ZFTA: variants seen among roughly 807,000 people sequenced by gnomAD.
ZFTA encodes zinc finger translocation-associated protein.
ZFTA carries 35 observed loss-of-function variants against 41.8 expected under a neutral mutation model. The ratio of observed to expected loss-of-function variants is 0.84; its 90% CI spans 0.64 to 1.11. The LOEUF (loss-of-function observed/expected upper bound fraction) is 1.11, where lower values mean the gene tolerates loss of function less well. ZFTA is among the 50% of genes most tolerant of loss of function. The pLI is 0.00. For synonymous variants in ZFTA, 514 were observed against 436.4 expected, an observed-to-expected ratio of 1.18 and a Z score of -2.22; for missense variants, 964 against 989.8, an observed-to-expected ratio of 0.97 and a Z score of 0.35.
In ZFTA at chr11:63,765,663, TATA is replaced by T; in HGVS notation, c.637+141_637+143del. 8.8e-7 allele frequency: 1 copy of T among 1,134,594 alleles called. No homozygotes were observed. The highest frequency in any genetic ancestry group is 1.2e-6 in the Non-Finnish European group (1 of 844,978). 70.3% of individuals were successfully genotyped at this position (1,134,594 alleles called of 1,614,324 possible). ...CCCCACTGTCCTTCCCCCACCTTTG[TATA>T]ATAAGGGCAATAAACAGACCCCACC... On this transcript the variant is annotated intron_variant, in intron 2 of 4. Coordinates refer to ENST00000433688, the MANE Select transcript of ZFTA (RefSeq NM_001144936.2). This position sits in a 1 kb window ranked among gnomAD's most constrained non-coding sequence, Gnocchi z 4.0.
chr11:63,765,533 C>A lies in ZFTA; in HGVS notation c.637+274G>T, dbSNP rs570196846. Among the ~76,000 whole-genome samples the A allele has an allele frequency of 2.0e-5, 3 of 152,222 alleles. No individual in the cohort carries two copies. In the East Asian group the frequency reaches 5.8e-4, roughly 29 times the overall value. ...CCTTCCCTCACCCACCCCAGCCAGGCCTCCCTGCTCCAAGCCTTTCCACTG... is the reference window on the plus strand; with the variant it reads ...CCTTCCCTCACCCACCCCAGCCAGGACTCCCTGCTCCAAGCCTTTCCACTG... On this transcript the variant is annotated intron_variant, in intron 2 of 4. Coordinates refer to ENST00000433688, the MANE Select transcript of ZFTA (RefSeq NM_001144936.2). The surrounding 1 kb of genome is among the most constrained non-coding windows in gnomAD (Gnocchi z 4.0).
At chr11:63,768,381 C>T (rs2135099882) in intron 1 of ZFTA, 103 bp downstream of exon 1, 1 of 748,548 alleles carries the variant, frequency 1.3e-6, no homozygotes, top group Non-Finnish European at 1.7e-6. Flanking sequence ...GCCGCCCTGC[C>T]CGCGTCCCCC....
In ZFTA at chr11:63,760,059, C is replaced by T. The variant is rs1365097413; in HGVS notation, c.*3359G>A. 2 of 152,136 alleles carry T rather than the reference C, an allele frequency of 1.3e-5. No homozygotes were observed. The highest frequency in any genetic ancestry group is 4.8e-5 in the African/African-American group (2 of 41,428). 9.4% of individuals were successfully genotyped at this position (152,136 alleles called of 1,614,324 possible). On this transcript the variant is annotated 3_prime_UTR_variant, in exon 5 of 5. Transcript: ENST00000433688. ...CCCAAGACTGCAGAATTTAGTTGTA[C>T]AGCATAACTGTGCATTTGATCTCTG... is the stretch of plus-strand genomic sequence containing the variant.
Position 63,767,126 on chromosome 11 carries a change from G to A in ZFTA, c.140-822C>T, listed in dbSNP as rs539160500. On this transcript the variant is annotated intron_variant, in intron 1 of 4. Transcript: ENST00000433688. ...GCCACTGCCCAGCAGTCAGAAGGGC[G>A]GGCACTGGAGAGGCCCCACTAACCC... 4.5e-4 allele frequency among the ~76,000 whole-genome samples: 69 copies of A among 152,260 alleles called. No individual in the cohort carries two copies. The South Asian group carries it at 0.014, about 31-fold the overall frequency.
Position 63,768,511 on chromosome 11 carries a change from TG to T in ZFTA, c.111del (p.Ser38AlafsTer77). 8.3e-7 allele frequency: 1 copy of T among 1,204,134 alleles called. No individual in the cohort carries two copies. Among genetic ancestry groups the T allele is most frequent in the Non-Finnish European group, 1.0e-6 (1 of 956,750 alleles). The allele number at this position is 1,204,134 out of a possible 1,614,324, so 74.6% of individuals were successfully genotyped here. On this transcript the variant is annotated frameshift_variant, in exon 1 of 5. Transcript: ENST00000433688. LOFTEE classifies it high-confidence loss of function. Reference protein sequence around the residue: ...GRRLPPAGSSGSAEPEEDEGG... With the variant: ...GRRLPPAGSSXSAEPEEDEGG... ...CCTTCGTCTTCCTCTGGCTCCGCGC[TG>T]CCGCTCGATCCGGCGGGCGGCAGCC...
chr11:63,763,465 G>A lies in ZFTA; in HGVS notation c.1990C>T (p.Arg664Cys). The change falls in exon 5 of 5, where the codon CGT (arginine) becomes TGT (cysteine). Residue 664 changes from arginine (R) to cysteine (C), a missense_variant. Physicochemically the swap from Arg to Cys is radical, Grantham distance 180. This residue lies in a region of ZFTA where 65 missense variants were observed against 58.9 expected (regional missense o/e 1.10). Coordinates refer to ENST00000433688, the MANE Select transcript of ZFTA (RefSeq NM_001144936.2). ...EGFGPPAPAP[R>C]DGGADLKSGA... ...GACTTGAGGTCCGCGCCGCCGTCACGCGGCGCCGGGGCGGGCGGCCCGAAG... is the reference window on the plus strand; with the variant it reads ...GACTTGAGGTCCGCGCCGCCGTCACACGGCGCCGGGGCGGGCGGCCCGAAG... 6 of 1,470,198 alleles carry A rather than the reference G, an allele frequency of 4.1e-6. No individual in the cohort carries two copies. The highest frequency in any genetic ancestry group is 5.4e-6 in the Non-Finnish European group (6 of 1,110,416). The allele number at this position is 1,470,198 out of a possible 1,614,324, so 91.1% of individuals were successfully genotyped here.
rs1463582335 is a variant in ZFTA at position 63,763,751 on chromosome 11, A to G, written c.1704T>C (p.Pro568=). The change falls in exon 5 of 5, where the codon CCT becomes CCC. Residue 568 remains proline (P), a synonymous_variant. Transcript: ENST00000433688. ...GCTCCCGGCTGCGGGGCGGGGGCGG[A>G]GGCGGGGGAGGAGGCGGCGGCGGCA... ...LALPPPPPPP[P]PPPPRSREQR... 2.7e-6 allele frequency: 4 copies of G among 1,472,822 alleles called. No individual in the cohort carries two copies. The Admixed American group carries it at 7.5e-5, about 28-fold the overall frequency. The allele number at this position is 1,472,822 out of a possible 1,614,324, so 91.2% of individuals were successfully genotyped here.
chr11:63,764,234 C>A lies in ZFTA; in HGVS notation c.1389G>T (p.Pro463=), dbSNP rs1488427896. 5.6e-6 allele frequency: 8 copies of A among 1,434,392 alleles called. No individual in the cohort carries two copies. Among genetic ancestry groups the A allele is most frequent in the Middle Eastern group, 2.5e-4 (1 of 4,070 alleles). 88.9% of individuals were successfully genotyped at this position (1,434,392 alleles called of 1,614,324 possible). Residue 463 remains proline (P), a synonymous_variant, in exon 4 of 5, where the codon CCG becomes CCT. Coordinates refer to ENST00000433688, the MANE Select transcript of ZFTA (RefSeq NM_001144936.2). ...CAGGCCCGCCGAGGCGCGTGGAGCCCGGGTGGCGCCGGCGGATGTGGCGCT... is the reference window on the plus strand; with the variant it reads ...CAGGCCCGCCGAGGCGCGTGGAGCCAGGGTGGCGCCGGCGGATGTGGCGCT... The part of the protein sequence containing the change: ...TIERHIRRRH[P]GSTRLGGPVQ...
intron 1 of ZFTA, 110 bp downstream of exon 1, chr11:63,768,374 G>T: frequency 1.5e-6 from 1 of 668,778 alleles, no homozygotes. Flanking sequence ...GCCCCCGGCC[G>T]CCCTGCCCGC....
In ZFTA at chr11:63,762,400, G is replaced by A. The variant is rs1486364438; in HGVS notation, c.*1018C>T. 6.6e-6 allele frequency: 1 copy of A among 152,222 alleles called. No homozygotes were observed. Among genetic ancestry groups the A allele is most frequent in the Non-Finnish European group, 1.5e-5 (1 of 68,044 alleles). The allele number at this position is 152,222 out of a possible 1,614,324, so 9.4% of individuals were successfully genotyped here. A position where few individuals can be genotyped will look rare whatever the true frequency, so the allele number is the denominator to read the frequency against. ...GAGAATGAATCTACACATCCCTCTC[G>A]GACCTGCCTGGGAGATCGCGGGGCC... On this transcript the variant is annotated 3_prime_UTR_variant, in exon 5 of 5. Coordinates refer to ENST00000433688, the MANE Select transcript of ZFTA (RefSeq NM_001144936.2).
chr11:63,764,190 C>A lies in ZFTA; in HGVS notation c.1433G>T (p.Arg478Leu). The A allele has an allele frequency of 7.2e-7, 1 of 1,391,126 alleles. No individual in the cohort carries two copies. The allele number at this position is 1,391,126 out of a possible 1,614,324, so 86.2% of individuals were successfully genotyped here. The change falls in exon 4 of 5, where the codon CGG becomes CTG. Residue 478 changes from arginine (R) to leucine (L), a missense_variant. By Grantham distance (102) the Arg-to-Leu change is moderately radical (BLOSUM62 -2). Coordinates refer to ENST00000433688, the MANE Select transcript of ZFTA (RefSeq NM_001144936.2). Reference protein sequence around the residue: ...LGGPVQALIAREWSEKAAHLL... With the variant: ...LGGPVQALIALEWSEKAAHLL... Reference sequence around the variant, plus strand: ...GTGGGCGGCCTTCTCGCTCCACTCCCGGGCGATGAGGGCCTGGACAGGCCC... The same window carrying A: ...GTGGGCGGCCTTCTCGCTCCACTCCAGGGCGATGAGGGCCTGGACAGGCCC...
intron 3 of ZFTA, 50 bp from the exon 4 acceptor site, chr11:63,764,648 C>A: frequency 7.9e-7 from 1 of 1,268,342 alleles, no homozygotes. Context: ...GGCTGGGTTG[C>A]CCTTGCCCAC....
chr11:63,763,502 G>A lies in ZFTA; in HGVS notation c.1953C>T (p.Tyr651=). 1.3e-6 allele frequency: 2 copies of A among 1,536,958 alleles called. No homozygotes were observed. Among genetic ancestry groups the A allele is most frequent in the East Asian group, 2.5e-5 (1 of 39,820 alleles). The change falls in exon 5 of 5, where the codon TAC becomes TAT. Residue 651 remains tyrosine, a synonymous_variant. Coordinates refer to ENST00000433688, the MANE Select transcript of ZFTA (RefSeq NM_001144936.2). ...CGGGCGGCCCGAAGCCCTCGTGGCC[G>A]TAGCAGCGCAGCGCCGCCTCCTCGT... The part of the protein sequence containing the change: ...EAYEEAALRC[Y]GHEGFGPPAP...
intron 1 of ZFTA, among the ~76,000 whole-genome samples, chr11:63,766,769 C>T (rs1443537093): frequency 1.3e-5 from 2 of 152,160 alleles, no homozygotes; most frequent in Non-Finnish European, 2.9e-5. Flanking sequence ...CCAGGAGGGC[C>T]CCACCCACAG....
chr11:63,765,885 C>A lies in ZFTA; in HGVS notation c.559G>T (p.Ala187Ser). The change falls in exon 2 of 5, where the codon GCT (alanine) becomes TCT (serine). Residue 187 changes from alanine to serine, a missense_variant. Physicochemically the swap from Ala to Ser is moderately conservative, Grantham distance 99. Transcript: ENST00000433688. This position sits in a 1 kb window ranked among gnomAD's most constrained non-coding sequence, Gnocchi z 4.0. ...GEAEGLGVQG[A>S]EEEEEEEEEE... ...TCTTCCTCCTCCTCCTCCTCCTCAG[C>A]CCCCTGGACCCCCAGGCCCTCGGCC... The A allele has an allele frequency of 2.6e-6, 4 of 1,538,246 alleles. No homozygotes were observed. The highest frequency in any genetic ancestry group is 3.5e-6 in the Non-Finnish European group (4 of 1,141,306).
At position 63,762,403 on chromosome 11, in the gene ZFTA, C is replaced by A. The variant is rs772458535; in HGVS notation, c.*1015G>T. 2 of 152,254 alleles carry A rather than the reference C, an allele frequency of 1.3e-5. No homozygotes were observed. The highest frequency in any genetic ancestry group is 2.9e-5 in the Non-Finnish European group (2 of 68,054). 9.4% of individuals were successfully genotyped at this position (152,254 alleles called of 1,614,324 possible). A position where few individuals can be genotyped will look rare whatever the true frequency, so the allele number is the denominator to read the frequency against. ...AATGAATCTACACATCCCTCTCGGA[C>A]CTGCCTGGGAGATCGCGGGGCCCCA... On this transcript the variant is annotated 3_prime_UTR_variant, in exon 5 of 5. Transcript: ENST00000433688.
rs2014782960 is a variant in ZFTA, at chr11:63,768,450, G to T, written c.139+34C>A. ...GCAGCCCTCCCTTCCCCCACGCCGG[G>T]GCCCCCGCCCGGGCCGCCGGCCCCA... On this transcript the variant is annotated intron_variant, in intron 1 of 4. Transcript: ENST00000433688. 3 of 1,096,966 alleles carry T rather than the reference G, an allele frequency of 2.7e-6. No individual in the cohort carries two copies. The East Asian group carries it at 1.9e-4, about 69-fold the overall frequency. The allele number at this position is 1,096,966 out of a possible 1,614,324, so 68.0% of individuals were successfully genotyped here.
intron 1 of ZFTA, among the ~76,000 whole-genome samples, chr11:63,768,280 C>T (rs2135099524): frequency 6.7e-6 from 1 of 149,418 alleles, no homozygotes; most frequent in Admixed American, 6.6e-5. Flanking sequence ...GGCGAGCCGC[C>T]CGAGCCCCGC....
chr11:63,766,139 C>T lies in ZFTA; in HGVS notation c.305G>A (p.Arg102Gln). 1 of 1,517,270 alleles carries T rather than the reference C, an allele frequency of 6.6e-7. No individual in the cohort carries two copies. 94.0% of individuals were successfully genotyped at this position (1,517,270 alleles called of 1,614,324 possible). A position where few individuals can be genotyped will look rare whatever the true frequency, so the allele number is the denominator to read the frequency against. Residue 102 changes from arginine (R) to glutamine (Q), a missense_variant, in exon 2 of 5, where the codon CGG becomes CAG. Physicochemically the swap from Arg to Gln is conservative, Grantham distance 43. Transcript: ENST00000433688. ...GKSRIPGRDH[R>Q]RYYHDHWRLE... is the part of the protein sequence containing the mutation. Reference sequence around the variant, plus strand: ...CCGCCAGTGGTCGTGGTAGTAGCGCCGGTGGTCACGGCCAGGGATGCGGCT... The same window carrying T: ...CCGCCAGTGGTCGTGGTAGTAGCGCTGGTGGTCACGGCCAGGGATGCGGCT...
Sources: allele counts gnomAD v4.1 joint callset (sites outside exome capture counted in the v4.1 genomes callset), GRCh38; gene constraint gnomAD v4.1.1; regional missense constraint gnomAD v4.1.1; non-coding constraint Gnocchi (gnomAD v3.1); transcripts MANE v1.5; gene names NCBI Gene and HGNC (gene_info 2026-07-23, HGNC 2026-07-21).